ATRNL1: variants seen among roughly 807,000 people sequenced by gnomAD.
ATRNL1 encodes the protein attractin-like protein 1.
A neutral mutation model predicts 182.7 loss-of-function variants in ATRNL1; 95 were observed. That is an observed-to-expected ratio of 0.52 (90% CI 0.44 to 0.62). The LOEUF is 0.62. Among genes scored for constraint, ATRNL1 ranks in the 20% least tolerant of loss-of-function variants. The pLI, the probability that ATRNL1 is intolerant of heterozygous loss-of-function variation, is 0.00. For missense variants in ATRNL1, 1,471 were observed against 1,679.5 expected (o/e 0.88, Z 2.17); for synonymous variants, 576 against 568.3 (o/e 1.01, Z -0.19).
intron 27 of ATRNL1, among the ~76,000 whole-genome samples, chr10:115,827,514 C>T (rs1555092344): frequency 6.6e-6 from 1 of 152,140 alleles, no homozygotes; most frequent in Admixed American, 6.5e-5. Flanking sequence ...AGGTCACAGG[C>T]AGGATATTGG....
At chr10:115,695,446 G>C (rs1435513689) in intron 26 of ATRNL1, among the ~76,000 whole-genome samples, 1 of 151,994 alleles carries the variant, frequency 6.6e-6, no homozygotes, top group East Asian at 1.9e-4. Context: ...TTAGTAACGG[G>C]TAAGTTATTA....
rs192492909 is a variant in ATRNL1 at position 115,291,642 on chromosome 10, C to T, written c.2415+5245C>T. On this transcript the variant is annotated intron_variant, in intron 15 of 28. Coordinates refer to ENST00000355044, the MANE Select transcript of ATRNL1 (RefSeq NM_207303.4). ...GATTGTATGGTTTTTGTCCTTCTAT[C>T]GATGTGATATTTGATGTTTATTAAT... Among the ~76,000 whole-genome samples the T allele has an allele frequency of 3.9e-5, 6 of 151,998 alleles. No individual in the cohort carries two copies. The East Asian group carries it at 5.8e-4, about 15-fold the overall frequency.
At chr10:115,732,111 G>C (rs1291122435) in intron 27 of ATRNL1, among the ~76,000 whole-genome samples, 1 of 152,158 alleles carries the variant, frequency 6.6e-6, no homozygotes, top group Non-Finnish European at 1.5e-5. Context: ...TACTATGAAT[G>C]ATGCCACTGT....
At chr10:115,241,820 C>A in intron 10 of ATRNL1, 95 bp downstream of exon 10, 2 of 1,013,600 alleles carry the variant, frequency 2.0e-6, no homozygotes, top group South Asian at 1.9e-5. Context: ...GTGTATATGT[C>A]ATTTTAGAGT....
chr10:115,405,101 G>T (rs1844754856), intron 20 of ATRNL1, among the ~76,000 whole-genome samples: 1 of 152,128 alleles, frequency 6.6e-6, no homozygotes, highest in African/African-American at 2.4e-5. Context: ...AAATGTGTAT[G>T]TCAAAGAAAG....
chr10:115,174,712 T>C (rs957873941), intron 8 of ATRNL1, among the ~76,000 whole-genome samples: 1 of 151,970 alleles, frequency 6.6e-6, no homozygotes, highest in Non-Finnish European at 1.5e-5. Flanking sequence ...CATGGTTGTG[T>C]TCAATAAAAA....
At chr10:115,383,794 AAATG>A (rs1858172591) in intron 19 of ATRNL1, among the ~76,000 whole-genome samples, 1 of 151,378 alleles carries the variant, frequency 6.6e-6, no homozygotes, top group Admixed American at 6.6e-5. Flanking sequence ...TTGACAAAAT[AAATG>A]AAGTAAAGAC....
At chr10:115,795,116 A>G (rs942561827) in intron 27 of ATRNL1, among the ~76,000 whole-genome samples, 1 of 152,088 alleles carries the variant, frequency 6.6e-6, no homozygotes, top group African/African-American at 2.4e-5. Flanking sequence ...GGTTTCTTTT[A>G]GTGGAAAATG....
chr10:115,772,707 A>G (rs1949026055), intron 27 of ATRNL1, among the ~76,000 whole-genome samples: 1 of 151,934 alleles, frequency 6.6e-6, no homozygotes, highest in African/African-American at 2.4e-5. Context: ...AAGTATCCCT[A>G]CAGATATTTT....
In ATRNL1 at chr10:115,670,029, G is replaced by A. The variant is rs72826805; in HGVS notation, c.3796-57219G>A. 2.6e-3 allele frequency among the ~76,000 whole-genome samples: 388 copies of A among 152,132 alleles called. 1 individual carries two copies. The highest frequency in any genetic ancestry group is 4.6e-3 in the Non-Finnish European group (310 of 67,964). On this transcript the variant is annotated intron_variant, in intron 26 of 28. Coordinates refer to ENST00000355044, the MANE Select transcript of ATRNL1 (RefSeq NM_207303.4). ...ATAGATGTAAAAAATAGAATACTTTGAGAGGGATTATACTAGCATAGTGGT... is the reference window on the plus strand; with the variant it reads ...ATAGATGTAAAAAATAGAATACTTTAAGAGGGATTATACTAGCATAGTGGT...
At chr10:115,761,827 T>C (rs1948740018) in intron 27 of ATRNL1, among the ~76,000 whole-genome samples, 2 of 152,116 alleles carry the variant, frequency 1.3e-5, no homozygotes, top group African/African-American at 4.8e-5. Context: ...TAATTCAGGA[T>C]TGTGGTGAGA....
chr10:115,750,091 C>T (rs2907530), intron 27 of ATRNL1, among the ~76,000 whole-genome samples: 144,246 of 151,846 alleles, frequency 0.95, 68,935 homozygotes, highest in East Asian at 1. Flanking sequence ...ATGCAAGGAG[C>T]ACTGCTAGAC....
At chr10:115,107,261 C>A (rs1844052401) in intron 1 of ATRNL1, among the ~76,000 whole-genome samples, 1 of 152,076 alleles carries the variant, frequency 6.6e-6, no homozygotes, top group Non-Finnish European at 1.5e-5. Context: ...CCTGTGAAAT[C>A]AAAACAAGTT....
At chr10:115,407,993 T>C (rs1343702562) in intron 20 of ATRNL1, among the ~76,000 whole-genome samples, 1 of 73,296 alleles carries the variant, frequency 1.4e-5, no homozygotes, top group South Asian at 5.8e-4. Context: ...TTCTTTTTTT[T>C]TTTTTTTTTT....
intron 19 of ATRNL1, among the ~76,000 whole-genome samples, chr10:115,337,027 T>G (rs1227274323): frequency 6.6e-6 from 1 of 151,358 alleles, no homozygotes; most frequent in Non-Finnish European, 1.5e-5. Flanking sequence ...CTAATTTTTT[T>G]TTTTTTTGTA....
intron 26 of ATRNL1, among the ~76,000 whole-genome samples, chr10:115,603,550 A>C (rs1555016687): frequency 6.6e-6 from 1 of 152,222 alleles, no homozygotes; most frequent in African/African-American, 2.4e-5. Flanking sequence ...ACCCTCATAA[A>C]ATTTTAAGAA....
intron 8 of ATRNL1, among the ~76,000 whole-genome samples, chr10:115,191,311 G>A (rs561577408): frequency 1.4e-4 from 22 of 152,140 alleles, no homozygotes; most frequent in African/African-American, 4.6e-4. Flanking sequence ...CATAGTGGTT[G>A]TACTAATTTA....
intron 5 of ATRNL1, among the ~76,000 whole-genome samples, chr10:115,155,720 A>G (rs1846482027): frequency 6.6e-6 from 1 of 152,154 alleles, no homozygotes; most frequent in Admixed American, 6.6e-5. Flanking sequence ...TTATGATGGG[A>G]AGTCACTGAA....
chr10:115,685,528 G>A (rs1278693460), intron 26 of ATRNL1, among the ~76,000 whole-genome samples: 2 of 151,822 alleles, frequency 1.3e-5, no homozygotes, highest in Non-Finnish European at 3.0e-5. Flanking sequence ...AATCCAAAAT[G>A]TGAGAATCAT....
Sources: gnomAD v4.1 joint callset for allele counts (sites outside exome capture counted in the v4.1 genomes callset) on GRCh38, gnomAD v4.1.1 for gene constraint, MANE v1.5 for transcripts, NCBI Gene and HGNC (gene_info 2026-07-23, HGNC 2026-07-21) for gene names.